DNAJC10: variants seen among roughly 807,000 people sequenced by gnomAD.
DNAJC10 encodes DnaJ heat shock protein family (Hsp40) member C10.
DNAJC10 carries 101 observed loss-of-function variants against 115.0 expected under a neutral mutation model. The ratio of observed to expected loss-of-function variants is 0.88; its 90% CI spans 0.75 to 1.04. The LOEUF (loss-of-function observed/expected upper bound fraction) is 1.04. DNAJC10 is among the 50% of genes least tolerant of loss of function. The pLI, the probability that DNAJC10 is intolerant of heterozygous loss-of-function variation, is 0.00. For missense variants in DNAJC10, 981 were observed against 928.8 expected (o/e 1.06, Z -0.73); for synonymous variants, 307 against 301.5 (o/e 1.02, Z -0.19).
chr2:182,744,120 T>C (rs1372175189), intron 14 of DNAJC10, among the ~76,000 whole-genome samples: 1 of 152,252 alleles, frequency 6.6e-6, no homozygotes, highest in Admixed American at 6.5e-5. Flanking sequence ...TGCCTTGTTA[T>C]CTTTCTTGCA....
In DNAJC10 at chr2:182,736,255, C is replaced by G. The variant is rs780934633; in HGVS notation, c.856C>G (p.Leu286Val). The G allele has an allele frequency of 1.3e-6, 2 of 1,560,868 alleles. No individual in the cohort carries two copies. The highest frequency in any genetic ancestry group is 4.2e-5 in the Admixed American group (2 of 48,126). ...RLRLSGMLDG[L>V]VNVGWMDCAT... Reference sequence around the variant, plus strand: ...TTGTTTCTTTCCATTTTAGGATGGTCTTGTTAATGTAGGATGGATGGACTG... The same window carrying G: ...TTGTTTCTTTCCATTTTAGGATGGTGTTGTTAATGTAGGATGGATGGACTG... The change falls in exon 11 of 24, where the codon CTT (leucine) becomes GTT (valine). Residue 286 changes from leucine (L) to valine (V), a missense_variant. By Grantham distance (32) the Leu-to-Val change is conservative (BLOSUM62 1). Coordinates refer to ENST00000264065, the MANE Select transcript of DNAJC10 (RefSeq NM_018981.4).
chr2:182,794,406 G>T lies in DNAJC10; in HGVS notation c.*17274G>T, dbSNP rs1282062786. 1 of 152,170 alleles carries T rather than the reference G, an allele frequency of 6.6e-6. No homozygotes were observed. The highest frequency in any genetic ancestry group is 1.9e-4 in the East Asian group (1 of 5,196). 9.4% of individuals were successfully genotyped at this position (152,170 alleles called of 1,614,324 possible). ...TTTGATTCTACTGTTTGTCTTTGCA[G>T]TGAGCTATGTTTTTTTATAACATGT... On this transcript the variant is annotated 3_prime_UTR_variant, in exon 24 of 24. Coordinates refer to ENST00000264065, the MANE Select transcript of DNAJC10 (RefSeq NM_018981.4).
intron 5 of DNAJC10, among the ~76,000 whole-genome samples, chr2:182,726,550 A>C (rs1356932039): frequency 6.6e-6 from 1 of 152,144 alleles, no homozygotes; most frequent in Admixed American, 6.5e-5. Flanking sequence ...TTCACGCTTC[A>C]GAGAAAATCT....
Position 182,792,863 on chromosome 2 carries a change from G to A in DNAJC10, c.*15731G>A, listed in dbSNP as rs1398823431. On this transcript the variant is annotated 3_prime_UTR_variant, in exon 24 of 24. Coordinates refer to ENST00000264065, the MANE Select transcript of DNAJC10 (RefSeq NM_018981.4). ...ATGCATTTAAGATAGTGTATTAAAT[G>A]TATTGACCTCATGAAGATTCTATTC... is the stretch of plus-strand genomic sequence containing the variant. 2 of 152,178 alleles carry A rather than the reference G, an allele frequency of 1.3e-5. No individual in the cohort carries two copies. Among genetic ancestry groups the A allele is most frequent in the Non-Finnish European group, 2.9e-5 (2 of 68,040 alleles). 9.4% of individuals were successfully genotyped at this position (152,178 alleles called of 1,614,324 possible).
At position 182,780,556 on chromosome 2, in the gene DNAJC10, T is replaced by C. The variant is rs924699850; in HGVS notation, c.*3424T>C. 1 of 152,162 alleles carries C rather than the reference T, an allele frequency of 6.6e-6. No individual in the cohort carries two copies. The highest frequency in any genetic ancestry group is 1.5e-5 in the Non-Finnish European group (1 of 68,030). The allele number at this position is 152,162 out of a possible 1,614,324, so 9.4% of individuals were successfully genotyped here. A position where few individuals can be genotyped will look rare whatever the true frequency, so the allele number is the denominator to read the frequency against. ...GTAACCAGTCCCAGGTATTCCTTCA[T>C]TGCAATGCAAAACAGACTAATACAG... On this transcript the variant is annotated 3_prime_UTR_variant, in exon 24 of 24. Coordinates refer to ENST00000264065, the MANE Select transcript of DNAJC10 (RefSeq NM_018981.4).
intron 3 of DNAJC10, 95 bp downstream of exon 3, chr2:182,718,385 T>A: frequency 1.0e-6 from 1 of 992,288 alleles, no homozygotes; most frequent in Non-Finnish European, 1.4e-6. Flanking sequence ...TGCTTAAGAA[T>A]AATCATATGT....
At chr2:182,734,313 AT>A (rs1333643267) in intron 10 of DNAJC10, among the ~76,000 whole-genome samples, 1 of 151,440 alleles carries the variant, frequency 6.6e-6, no homozygotes, top group Non-Finnish European at 1.5e-5. Context: ...AGTTTAAAAT[AT>A]TTTTTAATCT....
intron 16 of DNAJC10, chr2:182,754,766 G>T: frequency 8.1e-7 from 1 of 1,239,674 alleles, no homozygotes; most frequent in Non-Finnish European, 1.0e-6. Flanking sequence ...CAATGCCTAT[G>T]GTTCTCATGG....
chr2:182,762,046 A>G (rs1047893141), intron 21 of DNAJC10, among the ~76,000 whole-genome samples: 2 of 152,128 alleles, frequency 1.3e-5, no homozygotes, highest in Admixed American at 6.6e-5. Context: ...TCAAGCGGTC[A>G]CTGGTGAACT....
intron 21 of DNAJC10, 38 bp from the exon 22 acceptor site, chr2:182,762,644 C>G: frequency 6.2e-7 from 1 of 1,604,412 alleles, no homozygotes; most frequent in Non-Finnish European, 8.5e-7. Flanking sequence ...ATAGTTTATG[C>G]CAAACAGAAA....
At chr2:182,741,833 G>A (rs1051145549) in intron 13 of DNAJC10, among the ~76,000 whole-genome samples, 1 of 152,002 alleles carries the variant, frequency 6.6e-6, no homozygotes, top group Non-Finnish European at 1.5e-5. Flanking sequence ...ATATGTATAT[G>A]TGTGCACATG....
chr2:182,758,164 C>G (rs1291836962), intron 19 of DNAJC10, among the ~76,000 whole-genome samples: 1 of 152,146 alleles, frequency 6.6e-6, no homozygotes, highest in Non-Finnish European at 1.5e-5. Context: ...CTAGGAATTA[C>G]TACCCTTCCT....
intron 14 of DNAJC10, among the ~76,000 whole-genome samples, chr2:182,744,255 AAC>A (rs1305533315): frequency 2.6e-5 from 4 of 152,294 alleles, no homozygotes; most frequent in Admixed American, 6.5e-5. Context: ...TAGCAAAAGA[AAC>A]ACACAGACTA....
intron 11 of DNAJC10, chr2:182,739,617 G>C: frequency 4.4e-6 from 5 of 1,141,534 alleles, no homozygotes; most frequent in South Asian, 4.0e-5. Flanking sequence ...ATAAAATATT[G>C]ACAAATAAAG....
chr2:182,721,979 ATGG>A (rs1558995723), intron 4 of DNAJC10, 43 bp from the exon 5 acceptor site: 4 of 1,101,864 alleles, frequency 3.6e-6, no homozygotes, highest in South Asian at 3.1e-5. Flanking sequence ...TGCAATTTAT[ATGG>A]TGAAGTTTTG....
In DNAJC10 at chr2:182,782,090, T is replaced by G. The variant is rs1454997071; in HGVS notation, c.*4958T>G. Reference sequence around the variant, plus strand: ...TTTTTTATGGTTTCAGACCTTACATTTAAGTCTTTAATCTATCAACTTAAT... The same window carrying G: ...TTTTTTATGGTTTCAGACCTTACATGTAAGTCTTTAATCTATCAACTTAAT... On this transcript the variant is annotated 3_prime_UTR_variant, in exon 24 of 24. Coordinates refer to ENST00000264065, the MANE Select transcript of DNAJC10 (RefSeq NM_018981.4). 1 of 152,206 alleles carries G rather than the reference T, an allele frequency of 6.6e-6. No homozygotes were observed. Among genetic ancestry groups the G allele is most frequent in the Non-Finnish European group, 1.5e-5 (1 of 68,024 alleles). The allele number at this position is 152,206 out of a possible 1,614,324, so 9.4% of individuals were successfully genotyped here. A position where few individuals can be genotyped will look rare whatever the true frequency, so the allele number is the denominator to read the frequency against.
At chr2:182,731,511 T>C (rs1693446478) in intron 9 of DNAJC10, among the ~76,000 whole-genome samples, 1 of 152,140 alleles carries the variant, frequency 6.6e-6, no homozygotes, top group South Asian at 2.1e-4. Context: ...TAGATTTGCC[T>C]CATACAATTA....
chr2:182,792,101 C>G lies in DNAJC10; in HGVS notation c.*14969C>G, dbSNP rs1464680243. 6.6e-6 allele frequency: 1 copy of G among 152,128 alleles called. No individual in the cohort carries two copies. Among genetic ancestry groups the G allele is most frequent in the Admixed American group, 6.5e-5 (1 of 15,268 alleles). The allele number at this position is 152,128 out of a possible 1,614,324, so 9.4% of individuals were successfully genotyped here. A position where few individuals can be genotyped will look rare whatever the true frequency, so the allele number is the denominator to read the frequency against. Reference sequence around the variant, plus strand: ...TCTTGTTCACTTTTCATGCCATCATCTTGACACTCAATACATGTTCAAAGA... The same window carrying G: ...TCTTGTTCACTTTTCATGCCATCATGTTGACACTCAATACATGTTCAAAGA... On this transcript the variant is annotated 3_prime_UTR_variant, in exon 24 of 24. Transcript: ENST00000264065.
At chr2:182,718,353 T>A in intron 3 of DNAJC10, 63 bp downstream of exon 3, 1 of 1,235,314 alleles carries the variant, frequency 8.1e-7, no homozygotes, top group Non-Finnish European at 1.1e-6. Flanking sequence ...GATATTTATT[T>A]AAATTGCTTT....
Sources: allele counts gnomAD v4.1 joint callset (sites outside exome capture counted in the v4.1 genomes callset), GRCh38; gene constraint gnomAD v4.1.1; transcripts MANE v1.5; gene names NCBI Gene and HGNC (gene_info 2026-07-23, HGNC 2026-07-21).